The following TENM2 variants were observed in gnomAD, a reference collection of about 807,000 sequenced individuals.
TENM2 encodes teneurin-2.
In TENM2, 52 loss-of-function variants were observed where a neutral mutation model predicts 245.2. That is an observed-to-expected ratio of 0.21 (90% CI 0.17 to 0.27). The LOEUF (loss-of-function observed/expected upper bound fraction) is 0.27, where lower values mean the gene tolerates loss of function less well. TENM2 is among the 10% of genes least tolerant of loss of function. TENM2 has a pLI of 1.00. For synonymous variants in TENM2, 1,363 were observed against 1,438.9 expected (o/e 0.95, Z 1.19); for missense variants, 3,046 against 3,666.8 (o/e 0.83, Z 4.37).
intron 2 of TENM2, among the ~76,000 whole-genome samples, chr5:167,408,894 A>T (rs1020186782): frequency 6.6e-6 from 1 of 150,466 alleles, no homozygotes; most frequent in African/African-American, 2.4e-5. Context: ...TATATATGTC[A>T]TGGTGTTTTA....
Position 168,162,606 on chromosome 5 carries a change from A to G in TENM2, c.2423-5A>G. ...CCTTCTCATCCTCTCCATTTCTCCA[A>G]CCAGATGGCTGCCCTGACTTGTGCA... On this transcript the variant is annotated splice_region_variant and splice_polypyrimidine_tract_variant and intron_variant, in intron 12 of 28. Coordinates refer to ENST00000518659, the Ensembl canonical transcript of TENM2. The G allele has an allele frequency of 6.2e-7, 1 of 1,612,986 alleles. No homozygotes were observed. The highest frequency in any genetic ancestry group is 1.3e-5 in the African/African-American group (1 of 74,960).
chr5:168,102,314 C>A (rs1001303617), intron 9 of TENM2, among the ~76,000 whole-genome samples: 5 of 152,158 alleles, frequency 3.3e-5, no homozygotes, highest in African/African-American at 1.2e-4. Context: ...CTCAGGTGAT[C>A]CACCCGCCTC....
At chr5:167,871,138 G>A (rs1175649413) in intron 2 of TENM2, among the ~76,000 whole-genome samples, 1 of 152,164 alleles carries the variant, frequency 6.6e-6, no homozygotes, top group Non-Finnish European at 1.5e-5. Context: ...AAGACAATGG[G>A]AGTGAGAGCA....
intron 2 of TENM2, among the ~76,000 whole-genome samples, chr5:167,546,005 T>C (rs1032072536): frequency 1.3e-5 from 2 of 152,216 alleles, no homozygotes; most frequent in Admixed American, 6.5e-5. Flanking sequence ...TTGACACTTA[T>C]CACATATGAA....
chr5:167,149,732 GA>G, the TENM2 span, among the ~76,000 whole-genome samples: 1 of 152,094 alleles, frequency 6.6e-6, no homozygotes, highest in African/African-American at 2.4e-5. Flanking sequence ...TCCTCTTTCA[GA>G]AAATCTTCCT....
intron 26 of TENM2, among the ~76,000 whole-genome samples, chr5:168,245,982 C>T (rs1209042546): frequency 6.6e-6 from 1 of 151,976 alleles, no homozygotes; most frequent in East Asian, 1.9e-4. Context: ...CCTGTAATCC[C>T]AGCTCTTTGG....
At chr5:167,422,517 CAATAAT>C (rs1218228993) in intron 2 of TENM2, among the ~76,000 whole-genome samples, 1 of 152,106 alleles carries the variant, frequency 6.6e-6, no homozygotes, top group Non-Finnish European at 1.5e-5. Flanking sequence ...AGCTTTGCAG[CAATAAT>C]TTATCAGGCA....
the TENM2 span, among the ~76,000 whole-genome samples, chr5:167,042,611 T>C: frequency 6.6e-6 from 1 of 152,230 alleles, no homozygotes; most frequent in Non-Finnish European, 1.5e-5. Context: ...GAGATACCTT[T>C]GATGTGTCTA....
chr5:168,149,435 GGA>G (rs1038851456), intron 12 of TENM2: 59 of 457,130 alleles, frequency 1.3e-4, no homozygotes, highest in African/African-American at 9.4e-4. Flanking sequence ...TAGTTGGTGG[GGA>G]GTGCTGTTTA....
the TENM2 span, among the ~76,000 whole-genome samples, chr5:167,231,178 G>T: frequency 6.6e-6 from 1 of 152,154 alleles, no homozygotes; most frequent in Non-Finnish European, 1.5e-5. Flanking sequence ...CATGAGAATG[G>T]AATAATACAG....
chr5:167,766,117 G>C (rs1561756167), intron 2 of TENM2, among the ~76,000 whole-genome samples: 1 of 152,196 alleles, frequency 6.6e-6, no homozygotes, highest in Non-Finnish European at 1.5e-5. Flanking sequence ...TGCAGGAAGA[G>C]AGAAGAAATC....
At chr5:168,095,234 G>T (rs1346131753) in intron 8 of TENM2, among the ~76,000 whole-genome samples, 3 of 152,088 alleles carry the variant, frequency 2.0e-5, no homozygotes, top group African/African-American at 7.2e-5. Context: ...GTGGCAAAAA[G>T]GTTGGGGACC....
At chr5:167,463,237 T>A (rs911795172) in intron 2 of TENM2, among the ~76,000 whole-genome samples, 50 of 152,294 alleles carry the variant, frequency 3.3e-4, no homozygotes, top group African/African-American at 1.1e-3. Flanking sequence ...TATAACCATG[T>A]ATGAATGACT....
intron 3 of TENM2, among the ~76,000 whole-genome samples, chr5:167,911,509 A>G (rs1776554917): frequency 6.6e-6 from 1 of 152,222 alleles, no homozygotes; most frequent in Non-Finnish European, 1.5e-5. Context: ...CCTGGGCGAC[A>G]GAGCGAGACT....
chr5:167,425,863 G>A (rs1328906879), intron 2 of TENM2, among the ~76,000 whole-genome samples: 1 of 152,158 alleles, frequency 6.6e-6, no homozygotes, highest in East Asian at 1.9e-4. Flanking sequence ...GCCTGACAGT[G>A]AGTGCTCAAT....
At chr5:167,050,664 G>C in the TENM2 span, among the ~76,000 whole-genome samples, 7 of 152,120 alleles carry the variant, frequency 4.6e-5, no homozygotes, top group African/African-American at 1.4e-4. Flanking sequence ...CAGCAGAGAG[G>C]GGGCGCTGCT....
chr5:167,086,929 GCACACA>G, the TENM2 span, among the ~76,000 whole-genome samples: 19,822 of 90,722 alleles, frequency 0.22, 1,796 homozygotes, highest in East Asian at 0.38. Context: ...ACACACACAC[GCACACA>G]CACACACACA....
intron 2 of TENM2, among the ~76,000 whole-genome samples, chr5:167,856,426 C>A (rs982651377): frequency 4.6e-5 from 7 of 152,176 alleles, no homozygotes; most frequent in Non-Finnish European, 7.3e-5. Context: ...AATGTTGAAT[C>A]ATGAAACTAG....
At chr5:167,945,323 G>GA (rs1295651065) in intron 3 of TENM2, among the ~76,000 whole-genome samples, 1 of 152,012 alleles carries the variant, frequency 6.6e-6, no homozygotes, top group African/African-American at 2.4e-5. Context: ...CAAGCACCCG[G>GA]GGGGGGCACA....
Sources: gnomAD v4.1 joint callset for allele counts (sites outside exome capture counted in the v4.1 genomes callset) on GRCh38, gnomAD v4.1.1 for gene constraint, MANE v1.5 for transcripts, NCBI Gene and HGNC (gene_info 2026-07-23, HGNC 2026-07-21) for gene names.